The following PCDH15 variants were observed in gnomAD, a reference collection of about 807,000 sequenced individuals.
The protein encoded by PCDH15 is protocadherin-15.
A neutral mutation model predicts 178.5 loss-of-function variants in PCDH15; 129 were observed. The ratio of observed to expected loss-of-function variants is 0.72; its 90% CI spans 0.63 to 0.84. PCDH15 has a LOEUF of 0.84. Among genes scored for constraint, PCDH15 ranks in the 40% least tolerant of loss-of-function variants. PCDH15 has a pLI of 0.00. For synonymous variants in PCDH15, 800 were observed against 732.0 expected, an observed-to-expected ratio of 1.09 and a Z score of -1.50; for missense variants, 2,230 against 2,099.9, an observed-to-expected ratio of 1.06 and a Z score of -1.21.
chr10:54,949,004 G>T (rs2131872083), intron 2 of PCDH15, among the ~76,000 whole-genome samples: 1 of 151,746 alleles, frequency 6.6e-6, no homozygotes. Context: ...ATAGACATTA[G>T]TAAATATCAG....
intron 1 of PCDH15, among the ~76,000 whole-genome samples, chr10:55,313,855 G>C (rs2132291629): frequency 6.6e-6 from 1 of 152,188 alleles, no homozygotes; most frequent in Admixed American, 6.5e-5. Context: ...AACAAAATGT[G>C]TATACCTATA....
intron 28 of PCDH15, among the ~76,000 whole-genome samples, chr10:53,851,416 C>T (rs1466234772): frequency 1.3e-5 from 2 of 151,558 alleles, no homozygotes; most frequent in African/African-American, 4.8e-5. Flanking sequence ...CAATCTGTAA[C>T]TATTTATTTT....
rs1315829766 is a variant in PCDH15 at position 53,921,368 on chromosome 10, C to A, written c.3373+17447G>T. Among the ~76,000 whole-genome samples the A allele has an allele frequency of 4.1e-5, 6 of 145,558 alleles. No individual in the cohort carries two copies. In the East Asian group the frequency reaches 1.3e-3, roughly 32 times the overall value. ...CAACCTTACCAAGCACTTCATTCAACCACATTTCAGCCCTAATATGACTTT... is the reference window on the plus strand; with the variant it reads ...CAACCTTACCAAGCACTTCATTCAAACACATTTCAGCCCTAATATGACTTT... On this transcript the variant is annotated intron_variant, in intron 25 of 37. Transcript: ENST00000644397.
In PCDH15 at chr10:54,800,946, T is replaced by G. The variant is rs1952609876; in HGVS notation, c.-50A>C. On this transcript the variant is annotated 5_prime_UTR_variant, in exon 1 of 38. The change abolishes the stop of an existing upstream ORF in the 5' untranslated region. Coordinates refer to ENST00000644397, the MANE Select transcript of PCDH15 (RefSeq NM_001384140.1). The stretch of plus-strand genomic sequence containing the variant: ...TTACTTGCGGTTTAAAGTTTCATCT[T>G]TAGTCCATGTAAGATTATGCAGCAA... 1 of 152,140 alleles carries G rather than the reference T, an allele frequency of 6.6e-6. No individual in the cohort carries two copies. The highest frequency in any genetic ancestry group is 6.5e-5 in the Admixed American group (1 of 15,268). 9.4% of individuals were successfully genotyped at this position (152,140 alleles called of 1,614,324 possible).
intron 1 of PCDH15, among the ~76,000 whole-genome samples, chr10:55,226,720 GA>G (rs1379630129): frequency 6.6e-6 from 1 of 151,970 alleles, no homozygotes; most frequent in African/African-American, 2.4e-5. Flanking sequence ...TAGAAAATAA[GA>G]AAGACCTTTT....
intron 2 of PCDH15, among the ~76,000 whole-genome samples, chr10:55,490,444 G>C (rs1840386838): frequency 6.6e-6 from 1 of 151,754 alleles, no homozygotes; most frequent in Non-Finnish European, 1.5e-5. Flanking sequence ...GAATGTATAA[G>C]CTAAATAATT....
intron 2 of PCDH15, among the ~76,000 whole-genome samples, chr10:55,067,139 G>C (rs1003516946): frequency 1.3e-5 from 2 of 151,868 alleles, no homozygotes; most frequent in African/African-American, 4.8e-5. Flanking sequence ...AACCAGGAAA[G>C]GTATAATTAT....
At chr10:54,615,542 T>C (rs1048320410) in intron 2 of PCDH15, among the ~76,000 whole-genome samples, 3 of 152,102 alleles carry the variant, frequency 2.0e-5, no homozygotes, top group East Asian at 1.9e-4. Flanking sequence ...GAAATACATA[T>C]ATGTGCATCC....
At chr10:55,270,608 T>A (rs1207071866) in intron 1 of PCDH15, among the ~76,000 whole-genome samples, 1 of 151,448 alleles carries the variant, frequency 6.6e-6, no homozygotes, top group Non-Finnish European at 1.5e-5. Context: ...CTCACACCAG[T>A]CAGAATGGCT....
chr10:54,316,599 T>C (rs867126934), intron 8 of PCDH15, among the ~76,000 whole-genome samples: 2 of 150,644 alleles, frequency 1.3e-5, no homozygotes, highest in Admixed American at 6.6e-5. Context: ...AGGGGAGAAA[T>C]TGATATTTTT....
chr10:53,882,911 TCTTG>T (rs1474847491), intron 26 of PCDH15, among the ~76,000 whole-genome samples: 4 of 152,160 alleles, frequency 2.6e-5, no homozygotes, highest in East Asian at 3.9e-4. Context: ...GCTTTGTGCT[TCTTG>T]CTTTTTAGAA....
intron 26 of PCDH15, among the ~76,000 whole-genome samples, chr10:53,890,243 C>T (rs1005525254): frequency 1.1e-4 from 16 of 152,094 alleles, no homozygotes; most frequent in South Asian, 4.1e-4. Context: ...CTGGCTAATA[C>T]GGTGAAACAC....
intron 1 of PCDH15, among the ~76,000 whole-genome samples, chr10:55,237,600 T>C (rs1233752077): frequency 6.6e-6 from 1 of 152,108 alleles, no homozygotes; most frequent in Admixed American, 6.5e-5. Flanking sequence ...CATTCTAAAT[T>C]TGATGCTGTA....
chr10:55,140,062 T>C lies in PCDH15; in HGVS notation c.-80+26514A>G, dbSNP rs527484727. ...AGTTCATTTTCAATTTTGATATTCATGTGTTCATTTCTAGTACAGAGAAAT... is the reference window on the plus strand; with the variant it reads ...AGTTCATTTTCAATTTTGATATTCACGTGTTCATTTCTAGTACAGAGAAAT... On this transcript the variant is annotated intron_variant, in intron 2 of 5. Transcript: ENST00000458638. Among the ~76,000 whole-genome samples the C allele has an allele frequency of 2.6e-5, 4 of 152,116 alleles. No homozygotes were observed. The East Asian group carries it at 7.7e-4, about 29-fold the overall frequency.
At chr10:54,919,834 T>G (rs1205157784) in intron 2 of PCDH15, among the ~76,000 whole-genome samples, 1 of 152,108 alleles carries the variant, frequency 6.6e-6, no homozygotes, top group African/African-American at 2.4e-5. Context: ...TTGCAAATCT[T>G]ATACAACCTT....
chr10:55,514,492 A>G (rs1273691177), intron 2 of PCDH15, among the ~76,000 whole-genome samples: 1 of 152,220 alleles, frequency 6.6e-6, no homozygotes, highest in Non-Finnish European at 1.5e-5. Flanking sequence ...TTTAGAATGA[A>G]AATCTAAAGA....
chr10:54,866,700 G>GTT (rs2131787853), intron 3 of PCDH15, among the ~76,000 whole-genome samples: 1 of 152,178 alleles, frequency 6.6e-6, no homozygotes, highest in Admixed American at 6.5e-5. Context: ...TGTATAAGCA[G>GTT]TTTTTCTCTT....
chr10:54,938,388 G>A, intron 2 of PCDH15, among the ~76,000 whole-genome samples: 1 of 151,064 alleles, frequency 6.6e-6, no homozygotes, highest in East Asian at 2.0e-4. Flanking sequence ...TTACTTTATA[G>A]TTTTACTTAC....
chr10:54,366,429 T>C (rs940082933), intron 5 of PCDH15, among the ~76,000 whole-genome samples: 1 of 152,058 alleles, frequency 6.6e-6, no homozygotes, highest in Non-Finnish European at 1.5e-5. Context: ...ACTCATTTCA[T>C]TTAATTTTAT....
Sources: allele counts gnomAD v4.1 joint callset (sites outside exome capture counted in the v4.1 genomes callset), GRCh38; gene constraint gnomAD v4.1.1; transcripts MANE v1.5; gene names NCBI Gene and HGNC (gene_info 2026-07-23, HGNC 2026-07-21).